ZNF131: variants seen among roughly 807,000 people sequenced by gnomAD.
ZNF131 encodes the protein zinc finger and BTB domain containing 35, also known as zinc finger protein 131.
Under a neutral mutation model 60.0 loss-of-function variants are expected in ZNF131, and 7 were observed. The observed-to-expected ratio is 0.12, with a 90% CI of 0.07 to 0.22. The LOEUF is 0.22. Ranked by LOEUF, ZNF131 falls within the 10% of genes least tolerant of loss-of-function variation. The probability of loss-of-function intolerance (pLI) is 1.00; values close to 1 mark genes in which losing one functional copy is unlikely to be tolerated. For missense variants in ZNF131, 493 were observed against 740.9 expected, an observed-to-expected ratio of 0.67 and a Z score of 3.88; for synonymous variants, 257 against 253.2, an observed-to-expected ratio of 1.01 and a Z score of -0.14.
intron 4 of ZNF131, among the ~76,000 whole-genome samples, chr5:43,147,371 A>G (rs2111652001): frequency 6.6e-6 from 1 of 151,826 alleles, no homozygotes; most frequent in Non-Finnish European, 1.5e-5. Context: ...AACTTTGGAA[A>G]ACAGTTTGGA....
intron 3 of ZNF131, among the ~76,000 whole-genome samples, chr5:43,126,612 A>G (rs1744584819): frequency 6.6e-6 from 1 of 152,162 alleles, no homozygotes; most frequent in Non-Finnish European, 1.5e-5. Flanking sequence ...TGTGCTTTTC[A>G]TACGTTTTCT....
chr5:43,171,895 C>T (rs568316924), intron 5 of ZNF131, among the ~76,000 whole-genome samples: 14 of 152,226 alleles, frequency 9.2e-5, no homozygotes, highest in South Asian at 2.1e-4. Context: ...GCTGGGATTA[C>T]GGGTGTGAGC....
At chr5:43,130,291 TAGAGGCAATGTAGCTG>T (rs1467141101) in intron 3 of ZNF131, among the ~76,000 whole-genome samples, 1 of 80,716 alleles carries the variant, frequency 1.2e-5, no homozygotes, top group Non-Finnish European at 2.7e-5. Context: ...AAGAGGAAAG[TAGAGGCAATGTAGCTG>T]AGAGATAATA....
intron 4 of ZNF131, among the ~76,000 whole-genome samples, chr5:43,155,390 T>C (rs1412472623): frequency 2.0e-5 from 3 of 152,134 alleles, no homozygotes; most frequent in East Asian, 1.9e-4. Context: ...TTCTCAGATT[T>C]GGTGTACCTT....
At chr5:43,128,635 C>T (rs111328019) in intron 3 of ZNF131, among the ~76,000 whole-genome samples, 25,431 of 126,052 alleles carry the variant, frequency 0.2, 2,666 homozygotes, top group Middle Eastern at 0.4. Flanking sequence ...CCAGCCTGGG[C>T]GACAGAGCGA....
intron 4 of ZNF131, among the ~76,000 whole-genome samples, chr5:43,153,169 G>C (rs538299697): frequency 1.1e-4 from 17 of 152,230 alleles, no homozygotes; most frequent in African/African-American, 4.1e-4. Context: ...CAATCAAGTG[G>C]TCAGTATTCC....
intron 3 of ZNF131, among the ~76,000 whole-genome samples, chr5:43,127,735 A>G (rs1162057888): frequency 6.6e-6 from 1 of 152,216 alleles, no homozygotes; most frequent in African/African-American, 2.4e-5. Flanking sequence ...ATTTGTTGCT[A>G]TTGAAGCTAA....
chr5:43,121,349 C>T (rs1321089407), intron 1 of ZNF131, among the ~76,000 whole-genome samples: 5 of 152,208 alleles, frequency 3.3e-5, no homozygotes, highest in African/African-American at 1.2e-4. Context: ...CCAAGCCCAC[C>T]GCTGCCCGGT....
rs71608692 is a variant in ZNF131, at chr5:43,160,678, C to CTTTTTTTTTTTTTTT, written c.372-563_372-549dup. Among the ~76,000 whole-genome samples, 47 of 93,040 alleles carry CTTTTTTTTTTTTTTT rather than the reference C, an allele frequency of 5.1e-4. 2 individuals are homozygous for CTTTTTTTTTTTTTTT. Among genetic ancestry groups the CTTTTTTTTTTTTTTT allele is most frequent in the African/African-American group, 1.4e-3 (36 of 25,090 alleles). The allele number at this position is 93,040 out of a possible 152,430, so 61.0% of individuals were successfully genotyped here. A position where few individuals can be genotyped will look rare whatever the true frequency, so the allele number is the denominator to read the frequency against. The stretch of plus-strand genomic sequence containing the variant: ...TCACTGTTAAATGATTAGCTTGGAA[C>CTTTTTTTTTTTTTTT]TTTTTTTTTTTTTTTTTTTTTTGAG... On this transcript the variant is annotated intron_variant, in intron 4 of 6. Transcript: ENST00000682664.
rs1411802731 is a variant in ZNF131 at position 43,176,262 on chromosome 5, T to A, written c.*1129T>A. On this transcript the variant is annotated 3_prime_UTR_variant, in exon 7 of 7. Transcript: ENST00000682664. ...ACAAACCCATAGACCAATATGCTAT[T>A]TTTTTTACCTGTTAAATATTGGGAG... The A allele has an allele frequency of 6.7e-6, 1 of 148,922 alleles. No homozygotes were observed. Among genetic ancestry groups the A allele is most frequent in the African/African-American group, 2.4e-5 (1 of 41,180 alleles). The allele number at this position is 148,922 out of a possible 1,614,324, so 9.2% of individuals were successfully genotyped here. A position where few individuals can be genotyped will look rare whatever the true frequency, so the allele number is the denominator to read the frequency against.
intron 5 of ZNF131, chr5:43,168,084 C>T (rs1433024628): frequency 1.5e-5 from 6 of 389,938 alleles, no homozygotes; most frequent in Non-Finnish European, 3.1e-5. Flanking sequence ...TTTAAAGCCA[C>T]CCATCCCATT....
At chr5:43,168,034 G>A in intron 5 of ZNF131, 1 of 438,208 alleles carries the variant, frequency 2.3e-6, no homozygotes, top group South Asian at 1.7e-5. Context: ...CACATGGTGA[G>A]GGAGTTGAGC....
chr5:43,134,929 C>T lies in ZNF131; in HGVS notation c.227-4236C>T, dbSNP rs487169. Reference sequence around the variant, plus strand: ...GCCAGGCTGGTCTCGAACTTCTGACCTCAGGTGATCCATCCACCTCAGCCT... The same window carrying T: ...GCCAGGCTGGTCTCGAACTTCTGACTTCAGGTGATCCATCCACCTCAGCCT... On this transcript the variant is annotated intron_variant, in intron 3 of 6. Coordinates refer to ENST00000682664, the MANE Select transcript of ZNF131 (RefSeq NM_001330707.2). Among the ~76,000 whole-genome samples the T allele has an allele frequency of 5.5e-3, 837 of 151,810 alleles. 13 individuals are homozygous for T. The highest frequency in any genetic ancestry group is 0.02 in the African/African-American group (813 of 41,376).
At chr5:43,162,060 G>A in intron 5 of ZNF131, 129 bp downstream of exon 5, 2 of 874,550 alleles carry the variant, frequency 2.3e-6, no homozygotes, top group South Asian at 1.9e-5. Flanking sequence ...TGTAGGCTAA[G>A]TACACGTTTT....
At chr5:43,174,205 G>A (rs1226813455) in intron 6 of ZNF131, among the ~76,000 whole-genome samples, 1 of 152,188 alleles carries the variant, frequency 6.6e-6, no homozygotes, top group Non-Finnish European at 1.5e-5. Context: ...TCCAGCCTGG[G>A]CAACAAGAGC....
chr5:43,166,212 T>G (rs1222217606), intron 5 of ZNF131, among the ~76,000 whole-genome samples: 1 of 152,246 alleles, frequency 6.6e-6, no homozygotes, highest in Non-Finnish European at 1.5e-5. Context: ...TGTAGCACTT[T>G]TAATTTCCTT....
intron 2 of ZNF131, among the ~76,000 whole-genome samples, chr5:43,122,734 C>T (rs998223076): frequency 1.3e-5 from 2 of 152,096 alleles, no homozygotes; most frequent in Admixed American, 6.6e-5. Flanking sequence ...CTCAAGGTAA[C>T]CTGTTTTTAA....
intron 5 of ZNF131, among the ~76,000 whole-genome samples, chr5:43,169,453 ATTCC>A (rs748796526): frequency 3.9e-5 from 6 of 152,222 alleles, no homozygotes; most frequent in Non-Finnish European, 8.8e-5. Flanking sequence ...TATCAGATAC[ATTCC>A]TTGCATTTTC....
intron 4 of ZNF131, among the ~76,000 whole-genome samples, chr5:43,152,004 T>C (rs1748372807): frequency 7.2e-3 from 1 of 138 alleles, no homozygotes; most frequent in Non-Finnish European, 0.024. Flanking sequence ...CTTTCCTATT[T>C]ATTTATTTAT....
Sources: allele counts gnomAD v4.1 joint callset (sites outside exome capture counted in the v4.1 genomes callset), GRCh38; gene constraint gnomAD v4.1.1; transcripts MANE v1.5; gene names NCBI Gene and HGNC (gene_info 2026-07-23, HGNC 2026-07-21).